The following PCDH15 variants were observed in gnomAD, a reference collection of about 807,000 sequenced individuals.
The protein encoded by PCDH15 is protocadherin-15.
PCDH15 carries 129 observed loss-of-function variants against 178.5 expected under a neutral mutation model. The observed-to-expected ratio is 0.72, with a 90% CI of 0.63 to 0.84. The LOEUF is 0.84. PCDH15 is among the 40% of genes least tolerant of loss of function. The pLI, the probability that PCDH15 is intolerant of heterozygous loss-of-function variation, is 0.00. For synonymous variants in PCDH15, 800 were observed against 732.0 expected (o/e 1.09, Z -1.50); for missense variants, 2,230 against 2,099.9 (o/e 1.06, Z -1.21).
chr10:54,594,333 C>T (rs960071157), intron 2 of PCDH15, among the ~76,000 whole-genome samples: 4 of 152,110 alleles, frequency 2.6e-5, no homozygotes, highest in African/African-American at 9.7e-5. Flanking sequence ...CTATAGTAGA[C>T]ATTAGCCCTA....
chr10:55,443,694 A>T (rs945035766), intron 2 of PCDH15, among the ~76,000 whole-genome samples: 3 of 152,292 alleles, frequency 2.0e-5, no homozygotes, highest in South Asian at 4.1e-4. Context: ...TGGGAGTGTA[A>T]ATAAGTTCAA....
At chr10:55,196,825 T>C (rs1274125717) in intron 1 of PCDH15, among the ~76,000 whole-genome samples, 1 of 152,028 alleles carries the variant, frequency 6.6e-6, no homozygotes, top group Admixed American at 6.5e-5. Flanking sequence ...TTATTTAAAT[T>C]ATGACAATGC....
intron 2 of PCDH15, among the ~76,000 whole-genome samples, chr10:54,646,146 A>G (rs571062696): frequency 1.3e-5 from 2 of 152,230 alleles, no homozygotes; most frequent in East Asian, 3.9e-4. Context: ...ATAGTTCCTC[A>G]AAACTATTTC....
At chr10:54,712,883 T>C (rs1238819744) in intron 1 of PCDH15, among the ~76,000 whole-genome samples, 1 of 152,064 alleles carries the variant, frequency 6.6e-6, no homozygotes, top group Non-Finnish European at 1.5e-5. Flanking sequence ...TGGATAAACT[T>C]TGAACTTCAC....
intron 8 of PCDH15, among the ~76,000 whole-genome samples, chr10:54,311,546 A>T (rs1215703562): frequency 6.6e-6 from 1 of 152,088 alleles, no homozygotes; most frequent in East Asian, 1.9e-4. Context: ...ATAAACATAC[A>T]TAATAATATA....
chr10:55,379,498 GTAGGTTA>G (rs1365710771), intron 2 of PCDH15, among the ~76,000 whole-genome samples: 2 of 151,960 alleles, frequency 1.3e-5, no homozygotes, highest in Non-Finnish European at 2.9e-5. Flanking sequence ...TTAGTACATA[GTAGGTTA>G]TAGGTCACGA....
intron 2 of PCDH15, among the ~76,000 whole-genome samples, chr10:55,458,426 T>C (rs1309058066): frequency 6.6e-6 from 1 of 152,052 alleles, no homozygotes; most frequent in Non-Finnish European, 1.5e-5. Flanking sequence ...CTCTTATCTA[T>C]AAAATATCCT....
chr10:54,120,783 T>G (rs2095204957), intron 15 of PCDH15, among the ~76,000 whole-genome samples: 1 of 152,146 alleles, frequency 6.6e-6, no homozygotes, highest in African/African-American at 2.4e-5. Flanking sequence ...TTGTAGAGTC[T>G]AGATTCACAA....
intron 8 of PCDH15, among the ~76,000 whole-genome samples, chr10:54,252,302 C>T (rs2056546288): frequency 6.6e-6 from 1 of 152,120 alleles, no homozygotes; most frequent in Admixed American, 6.6e-5. Flanking sequence ...CTAGTAGCTG[C>T]CTGACATTTC....
chr10:54,589,892 G>A (rs550000809), intron 2 of PCDH15, among the ~76,000 whole-genome samples: 43 of 152,060 alleles, frequency 2.8e-4, no homozygotes, highest in African/African-American at 1.0e-3. Flanking sequence ...CACTGTGCCC[G>A]GCCCGTTCAT....
At chr10:54,060,787 GAT>G (rs1465475738) in intron 18 of PCDH15, among the ~76,000 whole-genome samples, 1 of 152,176 alleles carries the variant, frequency 6.6e-6, no homozygotes, top group East Asian at 1.9e-4. Flanking sequence ...CTAGTGACAG[GAT>G]GAACCAAGTG....
At chr10:55,301,834 A>T (rs1843289129) in intron 1 of PCDH15, among the ~76,000 whole-genome samples, 1 of 152,156 alleles carries the variant, frequency 6.6e-6, no homozygotes, top group Non-Finnish European at 1.5e-5. Context: ...AGCAAAATTT[A>T]TTAAAAAGGC....
rs562732916 is a variant in PCDH15, at chr10:53,804,900, A to C, written c.*1679T>G. The C allele has an allele frequency of 1.3e-5, 2 of 152,014 alleles. No individual in the cohort carries two copies. The highest frequency in any genetic ancestry group is 2.9e-5 in the Non-Finnish European group (2 of 67,902). The allele number at this position is 152,014 out of a possible 1,614,324, so 9.4% of individuals were successfully genotyped here. A position where few individuals can be genotyped will look rare whatever the true frequency, so the allele number is the denominator to read the frequency against. On this transcript the variant is annotated 3_prime_UTR_variant, in exon 38 of 38. Transcript: ENST00000644397. Reference sequence around the variant, plus strand: ...GGTGTGGTCATGATTCTACGTTTCTAATCTAGCTAATGCCACTAGGTTTTT... The same window carrying C: ...GGTGTGGTCATGATTCTACGTTTCTCATCTAGCTAATGCCACTAGGTTTTT...
intron 3 of PCDH15, among the ~76,000 whole-genome samples, chr10:54,831,300 G>T (rs1407950470): frequency 1.3e-5 from 2 of 151,876 alleles, no homozygotes; most frequent in Admixed American, 1.3e-4. Flanking sequence ...TAAGGTTTTG[G>T]TGTGACAGAA....
intron 28 of PCDH15, among the ~76,000 whole-genome samples, chr10:53,849,046 G>A (rs2078167240): frequency 6.6e-6 from 1 of 152,022 alleles, no homozygotes; most frequent in South Asian, 2.1e-4. Context: ...TCACCTAAAA[G>A]CAAAATGAAA....
chr10:54,112,872 T>C (rs1038669620), intron 15 of PCDH15, among the ~76,000 whole-genome samples: 1 of 152,326 alleles, frequency 6.6e-6, no homozygotes, highest in East Asian at 1.9e-4. Flanking sequence ...GTCTCATGGA[T>C]GTTTGAAACT....
chr10:54,986,402 G>C (rs1839365575), intron 2 of PCDH15, among the ~76,000 whole-genome samples: 1 of 151,988 alleles, frequency 6.6e-6, no homozygotes, highest in Admixed American at 6.6e-5. Flanking sequence ...AAATATGTGA[G>C]TTAATATTTT....
chr10:53,846,023 T>TACACACACAC (rs71461206), intron 28 of PCDH15, among the ~76,000 whole-genome samples: 1,557 of 147,084 alleles, frequency 0.011, 20 homozygotes, highest in East Asian at 0.049. Context: ...TGTATGTGTA[T>TACACACACAC]ACACACACAC....
chr10:54,265,877 A>T (rs1216209139), intron 8 of PCDH15, among the ~76,000 whole-genome samples: 3 of 151,956 alleles, frequency 2.0e-5, no homozygotes, highest in African/African-American at 7.2e-5. Context: ...ATCGAGGCAG[A>T]AATCTAAACA....
Sources: gnomAD v4.1 joint callset for allele counts (sites outside exome capture counted in the v4.1 genomes callset) on GRCh38, gnomAD v4.1.1 for gene constraint, MANE v1.5 for transcripts, NCBI Gene and HGNC (gene_info 2026-07-23, HGNC 2026-07-21) for gene names.